RALGAPB: variants seen among roughly 807,000 people sequenced by gnomAD.
RALGAPB encodes Ral GTPase activating protein non-catalytic subunit beta.
RALGAPB carries 25 observed loss-of-function variants against 161.1 expected under a neutral mutation model. That is an observed-to-expected ratio of 0.16 (90% confidence interval 0.11 to 0.22). The LOEUF is 0.22. RALGAPB is among the 10% of genes least tolerant of loss of function. The pLI is 1.00. For missense variants in RALGAPB, 1,391 were observed against 1,815.2 expected (o/e 0.77, Z 4.25); for synonymous variants, 629 against 626.1 (o/e 1.00, Z -0.07).
chr20:38,552,567 G>A (rs2087414929), intron 21 of RALGAPB, among the ~76,000 whole-genome samples: 1 of 152,134 alleles, frequency 6.6e-6, no homozygotes, highest in Non-Finnish European at 1.5e-5. Flanking sequence ...GATGGGCAGT[G>A]GGACTTACAA....
intron 10 of RALGAPB, among the ~76,000 whole-genome samples, chr20:38,522,198 A>G (rs143593080): frequency 6.0e-4 from 92 of 152,350 alleles, no homozygotes; most frequent in African/African-American, 2.2e-3. Context: ...GATTCAGGAA[A>G]GAGTTTTGGG....
At chr20:38,543,083 C>T (rs2087027667) in intron 18 of RALGAPB, among the ~76,000 whole-genome samples, 1 of 152,188 alleles carries the variant, frequency 6.6e-6, no homozygotes, top group Non-Finnish European at 1.5e-5. Context: ...TGCTTCTTCT[C>T]AACCTCACCA....
At chr20:38,495,111 T>C (rs1375838121) in intron 3 of RALGAPB, among the ~76,000 whole-genome samples, 2 of 152,360 alleles carry the variant, frequency 1.3e-5, no homozygotes, top group East Asian at 1.9e-4. Flanking sequence ...TGTTATGATC[T>C]CATCTCCCAT....
At position 38,510,167 on chromosome 20, in the gene RALGAPB, G is replaced by C. The variant is rs78791217; in HGVS notation, c.872+959G>C. 7.2e-3 allele frequency among the ~76,000 whole-genome samples: 837 copies of C among 115,542 alleles called. 4 individuals carry two copies. The highest frequency in any genetic ancestry group is 0.016 in the South Asian group (54 of 3,416). The allele number at this position is 115,542 out of a possible 152,430, so 75.8% of individuals were successfully genotyped here. A position where few individuals can be genotyped will look rare whatever the true frequency, so the allele number is the denominator to read the frequency against. On this transcript the variant is annotated intron_variant, in intron 6 of 29. Transcript: ENST00000262879. ...ACACACACACACACACACACACACA[G>C]ACACACGCATGCATGTAATTTGCAG...
chr20:38,521,676 A>C lies in RALGAPB; in HGVS notation c.1597A>C (p.Ile533Leu). Reference sequence around the variant, plus strand: ...TTGTAGCAAGAAGACTGGAGAAGAGATTCTGCCAGCTTATTTATCCAGGTC... The same window carrying C: ...TTGTAGCAAGAAGACTGGAGAAGAGCTTCTGCCAGCTTATTTATCCAGGTC... The part of the protein sequence containing the change: ...IFCSKKTGEE[I>L]LPAYLSRFYM... The change falls in exon 10 of 30, where the codon ATT (isoleucine) becomes CTT (leucine). Residue 533 changes from isoleucine to leucine, a missense_variant. Around this residue, in one of 3 missense-constraint regions of RALGAPB, gnomAD observed 946 missense variants for 1,257.2 expected, o/e 0.75. Coordinates refer to ENST00000262879, the MANE Select transcript of RALGAPB (RefSeq NM_020336.4). The C allele has an allele frequency of 6.2e-7, 1 of 1,614,062 alleles. No homozygotes were observed. The highest frequency in any genetic ancestry group is 8.5e-7 in the Non-Finnish European group (1 of 1,179,970).
chr20:38,546,931 A>T (rs1299682481), intron 19 of RALGAPB: 1 of 155,724 alleles, frequency 6.4e-6, no homozygotes, highest in Non-Finnish European at 1.4e-5. Flanking sequence ...TTCCCAATAC[A>T]TCCAAGTGCA....
At chr20:38,486,165 T>G (rs111614553) in intron 1 of RALGAPB, among the ~76,000 whole-genome samples, 75 of 152,106 alleles carry the variant, frequency 4.9e-4, no homozygotes, top group African/African-American at 1.8e-3. Context: ...AGACAGGGTT[T>G]CACCATGATG....
intron 2 of RALGAPB, 81 bp from the exon 3 acceptor site, chr20:38,492,849 A>G (rs2085317708): frequency 3.4e-6 from 4 of 1,186,062 alleles, no homozygotes; most frequent in Middle Eastern, 2.1e-4. Context: ...GTTTTTGGCA[A>G]TAAAAGAGAT....
chr20:38,508,460 G>A (rs1033290829), intron 5 of RALGAPB, among the ~76,000 whole-genome samples: 106 of 152,118 alleles, frequency 7.0e-4, no homozygotes, highest in African/African-American at 2.5e-3. Flanking sequence ...CACATGGATG[G>A]GCCTGGAAGA....
chr20:38,566,276 G>C (rs2087996752), intron 25 of RALGAPB, among the ~76,000 whole-genome samples: 1 of 152,152 alleles, frequency 6.6e-6, no homozygotes. Context: ...TTCCTGGAAG[G>C]TTGGACCTTC....
rs1305161965 is a variant in RALGAPB, at chr20:38,513,110, A to G, written c.873-3082A>G. Among the ~76,000 whole-genome samples the G allele has an allele frequency of 2.6e-5, 4 of 152,010 alleles. No homozygotes were observed. In the East Asian group the frequency reaches 7.7e-4, roughly 29 times the overall value. ...AGGCCAGGCACGGTGGCTCACGCCTATAATAATAGCACTTTTGGAGGCCAA... is the reference window on the plus strand; with the variant it reads ...AGGCCAGGCACGGTGGCTCACGCCTGTAATAATAGCACTTTTGGAGGCCAA... On this transcript the variant is annotated intron_variant, in intron 6 of 29. Transcript: ENST00000262879.
intron 6 of RALGAPB, among the ~76,000 whole-genome samples, chr20:38,513,646 CAAAA>C (rs552989712): frequency 1.1e-5 from 1 of 91,754 alleles, no homozygotes; most frequent in African/African-American, 3.4e-5. Context: ...AAGACTGTCT[CAAAA>C]AAAAAAAAAA....
intron 5 of RALGAPB, among the ~76,000 whole-genome samples, chr20:38,507,505 G>T (rs2085797923): frequency 6.6e-6 from 1 of 151,894 alleles, no homozygotes; most frequent in African/African-American, 2.4e-5. Context: ...TCCCATGGCA[G>T]CTGGGAGCTA....
chr20:38,518,073 C>T (rs1968402392), intron 9 of RALGAPB, 73 bp downstream of exon 9: 1 of 1,365,514 alleles, frequency 7.3e-7, no homozygotes, highest in African/African-American at 1.4e-5. Context: ...GTCTTTCCTA[C>T]CTGCAAGATT....
At chr20:38,536,925 A>G (rs939209695) in intron 16 of RALGAPB, among the ~76,000 whole-genome samples, 14 of 152,248 alleles carry the variant, frequency 9.2e-5, no homozygotes, top group Non-Finnish European at 2.1e-4. Context: ...TTACTGGTAC[A>G]GAAAATAAAA....
chr20:38,561,111 G>A (rs1835381002), intron 23 of RALGAPB, among the ~76,000 whole-genome samples: 1 of 152,208 alleles, frequency 6.6e-6, no homozygotes, highest in Admixed American at 6.5e-5. Context: ...GGATCACGAG[G>A]TCAGGAGATC....
In RALGAPB at chr20:38,516,253, T is replaced by C; in HGVS notation, c.934T>C (p.Phe312Leu). ...CTCTACTCCCAAATTTCAGGAACAGTTCTTGAATGTGAGCGGAATGCCGCA... is the reference window on the plus strand; with the variant it reads ...CTCTACTCCCAAATTTCAGGAACAGCTCTTGAATGTGAGCGGAATGCCGCA... ...ISSTPKFQEQ[F>L]LNVSGMPQEL... Residue 312 changes from phenylalanine (F) to leucine (L), a missense_variant, in exon 7 of 30, where the codon TTC (phenylalanine) becomes CTC (leucine). Physicochemically the swap from Phe to Leu is conservative, Grantham distance 22. Around this residue, in one of 3 missense-constraint regions of RALGAPB, gnomAD observed 946 missense variants for 1,257.2 expected, o/e 0.75. Coordinates refer to ENST00000262879, the MANE Select transcript of RALGAPB (RefSeq NM_020336.4). 2 of 1,613,400 alleles carry C rather than the reference T, an allele frequency of 1.2e-6. No homozygotes were observed. The highest frequency in any genetic ancestry group is 1.7e-6 in the Non-Finnish European group (2 of 1,179,564).
intron 1 of RALGAPB, among the ~76,000 whole-genome samples, chr20:38,480,487 A>G (rs1600816731): frequency 7.0e-6 from 1 of 142,282 alleles, no homozygotes; most frequent in African/African-American, 2.6e-5. Flanking sequence ...CCTGGGTTCA[A>G]GCGATTCCTC....
intron 18 of RALGAPB, among the ~76,000 whole-genome samples, chr20:38,542,887 C>A (rs1471821759): frequency 1.3e-5 from 2 of 151,876 alleles, no homozygotes; most frequent in South Asian, 2.1e-4. Context: ...TGTCATAGAA[C>A]TAAAACTTGA....
Sources: allele counts gnomAD v4.1 joint callset (sites outside exome capture counted in the v4.1 genomes callset), GRCh38; gene constraint gnomAD v4.1.1; regional missense constraint gnomAD v4.1.1; transcripts MANE v1.5; gene names NCBI Gene and HGNC (gene_info 2026-07-23, HGNC 2026-07-21).